The following DST variants were observed in gnomAD, a reference collection of about 807,000 sequenced individuals.
DST encodes the protein bullous pemphigoid antigen.
In DST, 253 loss-of-function variants were observed where a neutral mutation model predicts 875.2. That is an observed-to-expected ratio of 0.29 (90% CI 0.26 to 0.32). DST has a LOEUF of 0.32. Ranked by LOEUF, DST falls within the 10% of genes least tolerant of loss-of-function variation. The pLI is 1.00. For synonymous variants in DST, 3,124 were observed against 3,197.1 expected, an observed-to-expected ratio of 0.98 and a Z score of 0.77; for missense variants, 8,287 against 9,111.6, an observed-to-expected ratio of 0.91 and a Z score of 3.68.
In DST at chr6:56,871,076, A is replaced by G. The variant is rs1265012853; in HGVS notation, c.418-19472T>C. The G allele has an allele frequency of 3.6e-5, 18 of 501,768 alleles. No individual in the cohort carries two copies. The South Asian group carries it at 4.2e-4, about 12-fold the overall frequency. 31.1% of individuals were successfully genotyped at this position (501,768 alleles called of 1,614,324 possible). A position where few individuals can be genotyped will look rare whatever the true frequency, so the allele number is the denominator to read the frequency against. On this transcript the variant is annotated intron_variant, in intron 3 of 103. Transcript: ENST00000680361. ...AAAATAGCAAATGAAATGGACAGAC[A>G]TTTTGCAGAAGAGAAAACATATATG... is the stretch of plus-strand genomic sequence containing the variant.
At chr6:56,843,495 G>T (rs2099803061) in intron 4 of DST, 19 of 987,790 alleles carry the variant, frequency 1.9e-5, no homozygotes, top group South Asian at 4.7e-5. Context: ...GAGGGCGGGC[G>T]GGGGCCGGCG....
At chr6:56,632,217 TAAG>T (rs1243823426) in intron 28 of DST, among the ~76,000 whole-genome samples, 177 bp from the exon 29 acceptor site, 2 of 152,156 alleles carry the variant, frequency 1.3e-5, no homozygotes, top group East Asian at 1.9e-4. Context: ...TCTTAAAATT[TAAG>T]AAGAATTAAT....
At chr6:56,843,310 G>C in intron 4 of DST, 2 of 1,230,326 alleles carry the variant, frequency 1.6e-6, no homozygotes, top group Non-Finnish European at 2.0e-6. Flanking sequence ...GGGCGCAGGG[G>C]GCTGCCGGCG....
At chr6:56,469,123 G>T in intron 97 of DST, 124 bp from the exon 98 acceptor site, 1 of 560,738 alleles carries the variant, frequency 1.8e-6, no homozygotes, top group Non-Finnish European at 2.9e-6. Context: ...GTTTAGAGAT[G>T]TGCAGGCACC....
At chr6:56,866,828 A>G (rs946303456) in intron 3 of DST, among the ~76,000 whole-genome samples, 8 of 152,246 alleles carry the variant, frequency 5.3e-5, no homozygotes, top group African/African-American at 1.9e-4. Flanking sequence ...TATTTGTGAA[A>G]TGGGAAAATG....
At position 56,784,862 on chromosome 6, in the gene DST, C is replaced by T. The variant is rs563318618; in HGVS notation, c.626-49573G>A. Among the ~76,000 whole-genome samples, 505 of 152,106 alleles carry T rather than the reference C, an allele frequency of 3.3e-3. 2 individuals carry two copies. The highest frequency in any genetic ancestry group is 6.9e-3 in the Admixed American group (106 of 15,272). The stretch of plus-strand genomic sequence containing the variant: ...TTTTCCCCATCTTTATGGTTTTATC[C>T]GCTTTTGGTCTTTGATGATGGTGAT... On this transcript the variant is annotated intron_variant, in intron 4 of 103. Transcript: ENST00000680361.
At chr6:56,876,430 A>G (rs1360712175) in intron 3 of DST, among the ~76,000 whole-genome samples, 1 of 152,112 alleles carries the variant, frequency 6.6e-6, no homozygotes, top group Non-Finnish European at 1.5e-5. Flanking sequence ...GTGACCTCCA[A>G]TTTTTGGCTC....
At chr6:56,651,711 G>A (rs867250818) in intron 10 of DST, among the ~76,000 whole-genome samples, 16 of 152,120 alleles carry the variant, frequency 1.1e-4, no homozygotes, top group Admixed American at 6.6e-4. Flanking sequence ...TTCTTCCAAG[G>A]AGAGATCAAG....
intron 3 of DST, among the ~76,000 whole-genome samples, chr6:56,864,350 A>G (rs938440468): frequency 9.2e-5 from 14 of 152,164 alleles, no homozygotes; most frequent in Non-Finnish European, 2.1e-4. Context: ...GTGTGCTGTA[A>G]CTAATATATC....
chr6:56,581,667 C>T (rs998056654), intron 49 of DST, among the ~76,000 whole-genome samples: 1 of 152,226 alleles, frequency 6.6e-6, no homozygotes, highest in African/African-American at 2.4e-5. Context: ...CTATTCCCAG[C>T]TTTAATTTAT....
intron 9 of DST, among the ~76,000 whole-genome samples, chr6:56,694,830 GAGTTAGTTGTTTGAGGCC>G (rs1297016664): frequency 1.1e-4 from 16 of 152,088 alleles, no homozygotes; most frequent in Non-Finnish European, 1.9e-4. Context: ...ACCCACTTAA[GAGTTAGTTGTTTGAGGCC>G]AGCAACGGCA....
rs149520827 is a variant in DST at position 56,632,720 on chromosome 6, G to T, written c.3805+134C>A. ...TTCCTACCTCAAACATGCTTTTACC[G>T]TTCCACCAATTGTGTCTACATATCA... On this transcript the variant is annotated intron_variant, in intron 28 of 103. Coordinates refer to ENST00000680361, the MANE Select transcript of DST (RefSeq NM_001374736.1). 3.5e-3 allele frequency: 2,574 copies of T among 725,594 alleles called. 10 individuals carry two copies. Among genetic ancestry groups the T allele is most frequent in the Non-Finnish European group, 5.0e-3 (2,115 of 421,474 alleles). The allele number at this position is 725,594 out of a possible 1,614,324, so 44.9% of individuals were successfully genotyped here.
chr6:56,564,175 C>G (rs59863228), intron 55 of DST, among the ~76,000 whole-genome samples: 1,632 of 152,264 alleles, frequency 0.011, 28 homozygotes, highest in African/African-American at 0.038. Context: ...GTAGTGTGAC[C>G]ATTTTCACGA....
At chr6:56,564,008 A>T (rs1228968969) in intron 55 of DST, among the ~76,000 whole-genome samples, 1 of 152,136 alleles carries the variant, frequency 6.6e-6, no homozygotes. Flanking sequence ...GTCAGGTAGC[A>T]TGATGCCTCC....
In DST at chr6:56,605,744, T is replaced by C; in HGVS notation, c.8884A>G (p.Lys2962Glu). ...LGTDLANTKV[K>E]LIQGSELPEL... ...GGCAATTCTGACCCTTGAATCAACT[T>C]AACCTTTGTGTTTGCTAGATCAGTA... Residue 2962 changes from lysine to glutamate, a missense_variant, in exon 40 of 104, where the codon AAG becomes GAG. Lys to Glu is a moderately conservative substitution (Grantham distance 56). Transcript: ENST00000680361. 1 of 1,612,822 alleles carries C rather than the reference T, an allele frequency of 6.2e-7. No homozygotes were observed. Among genetic ancestry groups the C allele is most frequent in the Middle Eastern group, 1.7e-4 (1 of 6,054 alleles).
chr6:56,879,110 G>A (rs1780816612), intron 3 of DST, among the ~76,000 whole-genome samples: 1 of 152,138 alleles, frequency 6.6e-6, no homozygotes, highest in Non-Finnish European at 1.5e-5. Context: ...GTGGTCCCCT[G>A]GCTCTTCTTC....
chr6:56,663,237 TTAACTC>T (rs1456497629), intron 10 of DST, among the ~76,000 whole-genome samples: 1 of 152,258 alleles, frequency 6.6e-6, no homozygotes, highest in Non-Finnish European at 1.5e-5. Context: ...GCAGTGTACA[TTAACTC>T]TAAGAATTTT....
chr6:56,512,572 G>C (rs1014666631), intron 72 of DST, among the ~76,000 whole-genome samples: 12 of 152,098 alleles, frequency 7.9e-5, no homozygotes, highest in African/African-American at 2.9e-4. Flanking sequence ...AGCTTCTCTG[G>C]GGAATCTTAC....
intron 3 of DST, among the ~76,000 whole-genome samples, chr6:56,862,657 C>T (rs1187435049): frequency 6.6e-6 from 1 of 152,084 alleles, no homozygotes; most frequent in Non-Finnish European, 1.5e-5. Context: ...AGGGATCACA[C>T]TCAGACAAGA....
Sources: allele counts gnomAD v4.1 joint callset (sites outside exome capture counted in the v4.1 genomes callset), GRCh38; gene constraint gnomAD v4.1.1; transcripts MANE v1.5; gene names NCBI Gene and HGNC (gene_info 2026-07-23, HGNC 2026-07-21).